RANBP2: variants seen among roughly 807,000 people sequenced by gnomAD.
RANBP2 encodes E3 SUMO-protein ligase RanBP2.
A neutral mutation model predicts 303.6 loss-of-function variants in RANBP2; 57 were observed. That is an observed-to-expected ratio of 0.19 (90% CI 0.15 to 0.23). The LOEUF (loss-of-function observed/expected upper bound fraction) is 0.23. RANBP2 is among the 10% of genes least tolerant of loss of function. The pLI is 1.00. For missense variants in RANBP2, 3,138 were observed against 3,780.8 expected (o/e 0.83, Z 4.46); for synonymous variants, 1,167 against 1,301.5 (o/e 0.90, Z 2.23).
At chr2:109,041,685 CTTTTTTTTT>C in the RANBP2 span, among the ~76,000 whole-genome samples, 928 of 82,060 alleles carry the variant, frequency 0.011, 10 homozygotes, top group South Asian at 0.046. Context: ...CCATGCCCGG[CTTTTTTTTT>C]TTTTTTTTTT....
the RANBP2 span, among the ~76,000 whole-genome samples, chr2:108,837,099 G>A: frequency 4.0e-3 from 607 of 152,226 alleles, 5 homozygotes; most frequent in African/African-American, 0.014. Flanking sequence ...GAAGTGGTGA[G>A]GGTGTGCTTG....
the RANBP2 span, among the ~76,000 whole-genome samples, chr2:109,022,004 G>A: frequency 6.6e-6 from 1 of 152,158 alleles, no homozygotes; most frequent in Non-Finnish European, 1.5e-5. Context: ...GAGGCCCTTT[G>A]GCCTGCACAG....
the RANBP2 span, chr2:109,432,497 G>T: frequency 2.5e-6 from 4 of 1,612,914 alleles, no homozygotes; most frequent in African/African-American, 2.7e-5. Flanking sequence ...TGCTTTGCCC[G>T]CAGGTACCTG....
chr2:108,826,621 C>T, the RANBP2 span, among the ~76,000 whole-genome samples: 1 of 152,100 alleles, frequency 6.6e-6, no homozygotes, highest in African/African-American at 2.4e-5. Context: ...TTTGTCTATC[C>T]TTATGCCGGT....
At chr2:109,161,255 GTGA>G in the RANBP2 span, among the ~76,000 whole-genome samples, 12 of 152,308 alleles carry the variant, frequency 7.9e-5, no homozygotes, top group African/African-American at 2.9e-4. Flanking sequence ...CGAGTATGCA[GTGA>G]TGAGTTGAGT....
At chr2:108,983,162 C>T in the RANBP2 span, among the ~76,000 whole-genome samples, 6 of 152,172 alleles carry the variant, frequency 3.9e-5, no homozygotes, top group African/African-American at 1.4e-4. Context: ...AGGCTTTCTG[C>T]AGAGGATGCC....
chr2:108,869,412 G>T, the RANBP2 span, among the ~76,000 whole-genome samples: 1 of 152,154 alleles, frequency 6.6e-6, no homozygotes, highest in African/African-American at 2.4e-5. Flanking sequence ...AGGCATTCTT[G>T]CCTATCAATG....
the RANBP2 span, among the ~76,000 whole-genome samples, chr2:109,621,573 G>C: frequency 2.0e-5 from 3 of 152,028 alleles, no homozygotes; most frequent in African/African-American, 7.2e-5. Context: ...CTTGAGATTT[G>C]TCCAGAAATT....
At chr2:108,856,688 T>A in the RANBP2 span, 1 of 1,038,562 alleles carries the variant, frequency 9.6e-7, no homozygotes, top group East Asian at 2.5e-5. Context: ...AATTTTTGTT[T>A]GTCTTTTGAG....
the RANBP2 span, among the ~76,000 whole-genome samples, chr2:109,483,802 G>A: frequency 6.6e-6 from 1 of 152,084 alleles, no homozygotes; most frequent in South Asian, 2.1e-4. Flanking sequence ...AGGCGCTGGG[G>A]TTGCCTTCCC....
At chr2:108,853,855 T>TATA in the RANBP2 span, among the ~76,000 whole-genome samples, 281 of 128,040 alleles carry the variant, frequency 2.2e-3, 2 homozygotes, top group African/African-American at 8.0e-3. Context: ...ATATATACTA[T>TATA]ATATATAATA....
the RANBP2 span, among the ~76,000 whole-genome samples, chr2:109,059,557 C>A: frequency 6.6e-6 from 1 of 150,628 alleles, no homozygotes; most frequent in Non-Finnish European, 1.5e-5. Context: ...GCCTGGGCAA[C>A]AGAGCAAGGC....
the RANBP2 span, among the ~76,000 whole-genome samples, chr2:109,125,302 G>C: frequency 6.6e-6 from 1 of 152,178 alleles, no homozygotes. Flanking sequence ...AGCAGAGTTG[G>C]TGGGGGGGTT....
chr2:109,226,958 G>A, the RANBP2 span, among the ~76,000 whole-genome samples: 23 of 152,182 alleles, frequency 1.5e-4, no homozygotes, highest in African/African-American at 5.3e-4. Flanking sequence ...CCGGGTTCAT[G>A]GCTCAGATGA....
chr2:108,976,383 G>A, the RANBP2 span, among the ~76,000 whole-genome samples: 1 of 152,200 alleles, frequency 6.6e-6, no homozygotes, highest in Non-Finnish European at 1.5e-5. Flanking sequence ...CACATGAAGG[G>A]TCCATGCTAC....
chr2:109,347,638 C>T, the RANBP2 span: 5 of 1,601,178 alleles, frequency 3.1e-6, no homozygotes, highest in Admixed American at 1.7e-5. Context: ...TGGGAAGGGG[C>T]ATGCCCGGTG....
At chr2:109,415,632 C>G in the RANBP2 span, among the ~76,000 whole-genome samples, 5 of 152,150 alleles carry the variant, frequency 3.3e-5, no homozygotes, top group Non-Finnish European at 5.9e-5. Context: ...TGCCTGTCCT[C>G]CAGGGACGCC....
chr2:109,039,006 G>A, the RANBP2 span, among the ~76,000 whole-genome samples: 9 of 152,176 alleles, frequency 5.9e-5, no homozygotes, highest in African/African-American at 1.9e-4. Flanking sequence ...TAGTCCAGAC[G>A]TTGCTGTGAA....
the RANBP2 span, among the ~76,000 whole-genome samples, chr2:108,847,906 G>C: frequency 1.3e-5 from 2 of 152,048 alleles, no homozygotes; most frequent in African/African-American, 2.4e-5. Context: ...CAATAGACTA[G>C]GTGGTTAGTG....
Sources: gnomAD v4.1 joint callset for allele counts (sites outside exome capture counted in the v4.1 genomes callset) on GRCh38, gnomAD v4.1.1 for gene constraint, MANE v1.5 for transcripts, NCBI Gene and HGNC (gene_info 2026-07-23, HGNC 2026-07-21) for gene names.